The following SNAP29 variants were observed in gnomAD, a reference collection of about 807,000 sequenced individuals.
SNAP29 encodes synaptosome associated protein 29, also known as synaptosomal-associated protein 29.
In SNAP29, 13 loss-of-function variants were observed where a neutral mutation model predicts 27.9. That is an observed-to-expected ratio of 0.47 (90% CI 0.30 to 0.74). The LOEUF is 0.74. SNAP29 is among the 30% of genes least tolerant of loss of function. The pLI, the probability that SNAP29 is intolerant of heterozygous loss-of-function variation, is 0.06. For synonymous variants in SNAP29, 119 were observed against 127.1 expected (o/e 0.94, Z 0.43); for missense variants, 368 against 336.5 (o/e 1.09, Z -0.73).
rs779493756 is a variant in SNAP29, at chr22:20,859,316, A to G, written c.206A>G (p.Glu69Gly). The part of the protein sequence containing the change: ...STSRSLALMY[E>G]SEKVGVASSE... Reference sequence around the variant, plus strand: ...AGCAGGTCCCTGGCCCTCATGTACGAGTCCGAGAAGGTTGGGGTCGCCTCT... The same window carrying G: ...AGCAGGTCCCTGGCCCTCATGTACGGGTCCGAGAAGGTTGGGGTCGCCTCT... Residue 69 changes from glutamate (E) to glycine (G), a missense_variant, in exon 1 of 5, where the codon GAG (glutamate) becomes GGG (glycine). By Grantham distance (98) the Glu-to-Gly change is moderately conservative. Transcript: ENST00000215730. 3 of 1,613,414 alleles carry G rather than the reference A, an allele frequency of 1.9e-6. No homozygotes were observed. In the Admixed American group the frequency reaches 5.0e-5, roughly 27 times the overall value.
Position 20,890,444 on chromosome 22 carries a change from A to C in SNAP29, c.*2608A>C. On this transcript the variant is annotated 3_prime_UTR_variant, in exon 5 of 5. Coordinates refer to ENST00000215730, the MANE Select transcript of SNAP29 (RefSeq NM_004782.4). ...ACTTTTCTAACTTAAGGTTGGTTATATGTTAAGTGTGCTACTAACTTAAAA... is the reference window on the plus strand; with the variant it reads ...ACTTTTCTAACTTAAGGTTGGTTATCTGTTAAGTGTGCTACTAACTTAAAA... 2.5e-6 allele frequency: 1 copy of C among 398,220 alleles called. No homozygotes were observed. Among genetic ancestry groups the C allele is most frequent in the Non-Finnish European group, 4.4e-6 (1 of 225,868 alleles). The allele number at this position is 398,220 out of a possible 1,614,324, so 24.7% of individuals were successfully genotyped here. A position where few individuals can be genotyped will look rare whatever the true frequency, so the allele number is the denominator to read the frequency against.
chr22:20,862,122 G>C (rs1454816496), intron 1 of SNAP29, among the ~76,000 whole-genome samples: 1 of 152,140 alleles, frequency 6.6e-6, no homozygotes, highest in Admixed American at 6.5e-5. Flanking sequence ...ATACCTACTG[G>C]ATTCCTATGT....
intron 1 of SNAP29, among the ~76,000 whole-genome samples, chr22:20,866,645 G>T (rs569535401): frequency 6.6e-6 from 1 of 152,250 alleles, no homozygotes; most frequent in Admixed American, 6.5e-5. Flanking sequence ...CATCCTGTGG[G>T]TGTTCCCTGC....
At chr22:20,883,831 A>G (rs975755429) in intron 4 of SNAP29, among the ~76,000 whole-genome samples, 1 of 152,158 alleles carries the variant, frequency 6.6e-6, no homozygotes, top group Non-Finnish European at 1.5e-5. Flanking sequence ...CTGAGAGGCC[A>G]TAAAGTATAG....
intron 3 of SNAP29, among the ~76,000 whole-genome samples, chr22:20,882,508 A>T (rs1194556332): frequency 1.3e-5 from 2 of 152,140 alleles, no homozygotes; most frequent in African/African-American, 4.8e-5. Flanking sequence ...AAGCTCTGGA[A>T]CCCACCATGG....
intron 4 of SNAP29, among the ~76,000 whole-genome samples, chr22:20,885,455 A>G (rs1601655719): frequency 6.6e-6 from 1 of 152,116 alleles, no homozygotes; most frequent in East Asian, 1.9e-4. Context: ...CCAGAGCCAA[A>G]GACTTATCTG....
intron 2 of SNAP29, among the ~76,000 whole-genome samples, chr22:20,872,696 G>A (rs530604749): frequency 8.3e-4 from 126 of 151,908 alleles, no homozygotes; most frequent in Admixed American, 1.6e-3. Context: ...CACCACATCC[G>A]GCCTAATTTT....
At chr22:20,863,634 G>A (rs117831705) in intron 1 of SNAP29, among the ~76,000 whole-genome samples, 11 of 152,174 alleles carry the variant, frequency 7.2e-5, no homozygotes, top group Admixed American at 2.0e-4. Flanking sequence ...TAAGCCACTC[G>A]TCTCTTTCCC....
At chr22:20,876,979 T>C (rs1172122005) in intron 2 of SNAP29, among the ~76,000 whole-genome samples, 2 of 152,218 alleles carry the variant, frequency 1.3e-5, no homozygotes, top group Non-Finnish European at 2.9e-5. Flanking sequence ...CCAAGCTGCT[T>C]GTTCTCATTT....
At chr22:20,873,431 G>C (rs1307429559) in intron 2 of SNAP29, among the ~76,000 whole-genome samples, 1 of 152,102 alleles carries the variant, frequency 6.6e-6, no homozygotes, top group Non-Finnish European at 1.5e-5. Flanking sequence ...CAAGATGTAG[G>C]GTGTGGCAGG....
intron 2 of SNAP29, among the ~76,000 whole-genome samples, chr22:20,875,153 A>G (rs1928709223): frequency 6.6e-6 from 1 of 152,242 alleles, no homozygotes; most frequent in Non-Finnish European, 1.5e-5. Context: ...AAAGGCTTCC[A>G]TCAGTGAGGC....
At chr22:20,870,850 T>TAA in intron 2 of SNAP29, 1 of 401,132 alleles carries the variant, frequency 2.5e-6, no homozygotes, top group Non-Finnish European at 4.7e-6. Flanking sequence ...TTAAAAAATC[T>TAA]TTAGGGCTGG....
At chr22:20,871,482 T>TTAAAAAAAA (rs1928590128) in intron 2 of SNAP29, among the ~76,000 whole-genome samples, 1 of 64,132 alleles carries the variant, frequency 1.6e-5, no homozygotes, top group African/African-American at 6.3e-5. Context: ...TCCCTGTCTC[T>TTAAAAAAAA]AAAAAAAAAA....
At chr22:20,867,163 G>A (rs1183847662) in intron 1 of SNAP29, among the ~76,000 whole-genome samples, 1 of 152,216 alleles carries the variant, frequency 6.6e-6, no homozygotes, top group Non-Finnish European at 1.5e-5. Context: ...AAGGGAGTAA[G>A]AAGGGCATCA....
chr22:20,870,474 C>T lies in SNAP29; in HGVS notation c.375C>T (p.Ser125=), dbSNP rs1053634851. The T allele has an allele frequency of 4.0e-5, 64 of 1,614,006 alleles. No individual in the cohort carries two copies. The highest frequency in any genetic ancestry group is 5.2e-5 in the Non-Finnish European group (61 of 1,180,030). The change falls in exon 2 of 5, where the codon TCC becomes TCT. Residue 125 remains serine, a synonymous_variant. Coordinates refer to ENST00000215730, the MANE Select transcript of SNAP29 (RefSeq NM_004782.4). ...VFGGLVNYFK[S]KPVETPPEQN... is the part of the protein sequence containing the mutation. ...GGGGGCTGGTCAATTACTTCAAATCCAAACCAGTAGAGACCCCACCTGAAC... is the reference window on the plus strand; with the variant it reads ...GGGGGCTGGTCAATTACTTCAAATCTAAACCAGTAGAGACCCCACCTGAAC...
intron 4 of SNAP29, among the ~76,000 whole-genome samples, chr22:20,886,614 TTTTA>T (rs994392926): frequency 3.4e-5 from 5 of 148,812 alleles, no homozygotes; most frequent in African/African-American, 1.0e-4. Context: ...CAGCCTATCT[TTTTA>T]TTTCATTTTT....
At chr22:20,865,209 C>T (rs1928428351) in intron 1 of SNAP29, among the ~76,000 whole-genome samples, 1 of 151,986 alleles carries the variant, frequency 6.6e-6, no homozygotes, top group Non-Finnish European at 1.5e-5. Flanking sequence ...ACAAAAATTA[C>T]CTGGGCATGG....
At chr22:20,861,414 C>A (rs754705044) in intron 1 of SNAP29, among the ~76,000 whole-genome samples, 1 of 151,990 alleles carries the variant, frequency 6.6e-6, no homozygotes, top group Non-Finnish European at 1.5e-5. Flanking sequence ...CCTAGCCCAC[C>A]TCCCTGTGTT....
chr22:20,874,135 T>G (rs1473046171), intron 2 of SNAP29, among the ~76,000 whole-genome samples: 20 of 148,224 alleles, frequency 1.3e-4, no homozygotes, highest in South Asian at 6.5e-4. Flanking sequence ...ATTATCCGGG[T>G]GTGGTGGCGG....
Sources: gnomAD v4.1 joint callset for allele counts (sites outside exome capture counted in the v4.1 genomes callset) on GRCh38, gnomAD v4.1.1 for gene constraint, MANE v1.5 for transcripts, NCBI Gene and HGNC (gene_info 2026-07-23, HGNC 2026-07-21) for gene names.